The following ULK2 variants were observed in gnomAD, a reference collection of about 807,000 sequenced individuals.
The protein encoded by ULK2 is serine/threonine-protein kinase ULK2.
ULK2 carries 76 observed loss-of-function variants against 127.5 expected under a neutral mutation model. That is an observed-to-expected ratio of 0.60 (90% CI 0.50 to 0.72). The LOEUF (loss-of-function observed/expected upper bound fraction) is 0.72. ULK2 is among the 30% of genes least tolerant of loss of function. The pLI is 0.00. For synonymous variants in ULK2, 452 were observed against 461.9 expected, an observed-to-expected ratio of 0.98 and a Z score of 0.28; for missense variants, 1,144 against 1,295.9, an observed-to-expected ratio of 0.88 and a Z score of 1.80.
chr17:19,776,140 G>A lies in ULK2; in HGVS notation c.*209C>T, dbSNP rs1380698047. On this transcript the variant is annotated 3_prime_UTR_variant, in exon 27 of 27. Coordinates refer to ENST00000395544, the MANE Select transcript of ULK2 (RefSeq NM_014683.4). The stretch of plus-strand genomic sequence containing the variant: ...TTGCTCCTGCTTCTACAAAGAAAAA[G>A]GGAAAGGGTGATTTTCTCCAATAAG... 1 of 505,684 alleles carries A rather than the reference G, an allele frequency of 2.0e-6. No homozygotes were observed. The highest frequency in any genetic ancestry group is 3.5e-6 in the Non-Finnish European group (1 of 283,920). The allele number at this position is 505,684 out of a possible 1,614,324, so 31.3% of individuals were successfully genotyped here.
intron 13 of ULK2, among the ~76,000 whole-genome samples, chr17:19,812,591 C>G (rs2087667382): frequency 6.6e-6 from 1 of 152,334 alleles, no homozygotes; most frequent in East Asian, 1.9e-4. Flanking sequence ...CTCTGGTGAT[C>G]GCAGGCTGAC....
Position 19,774,495 on chromosome 17 carries a change from C to T in ULK2, c.*1854G>A, listed in dbSNP as rs1302788987. The T allele has an allele frequency of 1.3e-5, 2 of 152,140 alleles. No individual in the cohort carries two copies. The highest frequency in any genetic ancestry group is 6.5e-5 in the Admixed American group (1 of 15,272). The allele number at this position is 152,140 out of a possible 1,614,324, so 9.4% of individuals were successfully genotyped here. A position where few individuals can be genotyped will look rare whatever the true frequency, so the allele number is the denominator to read the frequency against. On this transcript the variant is annotated 3_prime_UTR_variant, in exon 27 of 27. Coordinates refer to ENST00000395544, the MANE Select transcript of ULK2 (RefSeq NM_014683.4). ...TAGAATAAACCTACAACTGAGATAA[C>T]ACAGGTGATAACTGAAAGAACATGA...
chr17:19,777,824 G>A, intron 25 of ULK2, 108 bp from the exon 26 acceptor site: 3 of 1,355,084 alleles, frequency 2.2e-6, no homozygotes, highest in Non-Finnish European at 3.0e-6. Context: ...AACACATTTT[G>A]GTAAAGTGAT....
chr17:19,799,810 A>T (rs891931763), intron 16 of ULK2, among the ~76,000 whole-genome samples: 1 of 152,232 alleles, frequency 6.6e-6, no homozygotes, highest in African/African-American at 2.4e-5. Flanking sequence ...TTAGGGGAAG[A>T]AAAACCACAT....
rs148080703 is a variant in ULK2, at chr17:19,863,894, A to G, written c.225+909T>C. Among the ~76,000 whole-genome samples, 968 of 152,318 alleles carry G rather than the reference A, an allele frequency of 6.4e-3. 11 individuals carry two copies. Among genetic ancestry groups the G allele is most frequent in the African/African-American group, 0.022 (916 of 41,570 alleles). On this transcript the variant is annotated intron_variant, in intron 3 of 26. Coordinates refer to ENST00000395544, the MANE Select transcript of ULK2 (RefSeq NM_014683.4). ...CTACTGCATGCCATAGCATACACAA[A>G]TATATCTATAACCTATAATCATAGA...
At chr17:19,814,710 C>T (rs2040943510) in intron 13 of ULK2, among the ~76,000 whole-genome samples, 1 of 151,942 alleles carries the variant, frequency 6.6e-6, no homozygotes, top group African/African-American at 2.4e-5. Context: ...CCACGTCTGG[C>T]TAACCTTTTA....
chr17:19,864,472 C>CAAA (rs201190960), intron 3 of ULK2, among the ~76,000 whole-genome samples: 1 of 136,304 alleles, frequency 7.3e-6, no homozygotes. Context: ...GAGACTCCAT[C>CAAA]AAAAAAAAAA....
At chr17:19,800,233 CAGA>C (rs1199393975) in intron 16 of ULK2, among the ~76,000 whole-genome samples, 1 of 152,200 alleles carries the variant, frequency 6.6e-6, no homozygotes, top group Non-Finnish European at 1.5e-5. Context: ...TCATTCTTCA[CAGA>C]AGTTTCCCCA....
rs530962533 is a variant in ULK2, at chr17:19,772,025, G to A, written c.*4324C>T. 2.6e-5 allele frequency: 4 copies of A among 152,514 alleles called. No individual in the cohort carries two copies. The South Asian group carries it at 8.3e-4, about 32-fold the overall frequency. 9.4% of individuals were successfully genotyped at this position (152,514 alleles called of 1,614,324 possible). A position where few individuals can be genotyped will look rare whatever the true frequency, so the allele number is the denominator to read the frequency against. ...CCTACAGATTGATCCCACCTGTTCAGAGCAACAGGCACGGCTTCACTCGGG... is the reference window on the plus strand; with the variant it reads ...CCTACAGATTGATCCCACCTGTTCAAAGCAACAGGCACGGCTTCACTCGGG... On this transcript the variant is annotated 3_prime_UTR_variant, in exon 27 of 27. Transcript: ENST00000395544.
intron 14 of ULK2, among the ~76,000 whole-genome samples, chr17:19,805,543 C>T (rs2087496896): frequency 6.6e-6 from 1 of 152,158 alleles, no homozygotes. Context: ...TAGCTGCTTT[C>T]CCAATATCCA....
chr17:19,854,625 T>C (rs973325662), intron 3 of ULK2, among the ~76,000 whole-genome samples: 1 of 152,124 alleles, frequency 6.6e-6, no homozygotes, highest in Non-Finnish European at 1.5e-5. Flanking sequence ...ATTATCCCTT[T>C]GTACATAACT....
At chr17:19,859,099 G>A (rs1197430151) in intron 3 of ULK2, among the ~76,000 whole-genome samples, 7 of 152,206 alleles carry the variant, frequency 4.6e-5, no homozygotes, top group Non-Finnish European at 1.0e-4. Context: ...AGACCAGCCT[G>A]GGCAACATAG....
intron 12 of ULK2, among the ~76,000 whole-genome samples, chr17:19,819,743 G>A (rs1238450044): frequency 1.3e-5 from 2 of 152,202 alleles, no homozygotes; most frequent in East Asian, 3.9e-4. Context: ...TCTTCCTCAG[G>A]TTCCAAGTTC....
intron 20 of ULK2, among the ~76,000 whole-genome samples, chr17:19,787,231 C>T (rs182227575): frequency 1.3e-5 from 2 of 152,300 alleles, no homozygotes; most frequent in East Asian, 3.9e-4. Context: ...TTGTGATCCG[C>T]CCGCCTTGGC....
At position 19,785,531 on chromosome 17, in the gene ULK2, T is replaced by TA. The variant is rs1045374639; in HGVS notation, c.2251+405dup. Among the ~76,000 whole-genome samples, 450 of 142,638 alleles carry TA rather than the reference T, an allele frequency of 3.2e-3. 14 individuals carry two copies. In the East Asian group the frequency reaches 0.044, roughly 14 times the overall value. The allele number at this position is 142,638 out of a possible 152,430, so 93.6% of individuals were successfully genotyped here. On this transcript the variant is annotated intron_variant, in intron 21 of 26. Coordinates refer to ENST00000395544, the MANE Select transcript of ULK2 (RefSeq NM_014683.4). Reference sequence around the variant, plus strand: ...CTCACCTAGCCAAAACAAGTTTCTTTAAAAAAAAAAACCAAAAAAAAACCA... The same window carrying TA: ...CTCACCTAGCCAAAACAAGTTTCTTTAAAAAAAAAAAACCAAAAAAAAACCA...
At chr17:19,819,701 C>T (rs1597760850) in intron 12 of ULK2, among the ~76,000 whole-genome samples, 2 of 152,136 alleles carry the variant, frequency 1.3e-5, no homozygotes, top group South Asian at 4.1e-4. Context: ...AGTGACCTTG[C>T]CAGCCGGCCA....
intron 1 of ULK2, among the ~76,000 whole-genome samples, chr17:19,867,124 G>C (rs536335311): frequency 5.3e-5 from 8 of 152,270 alleles, no homozygotes; most frequent in Non-Finnish European, 1.2e-4. Flanking sequence ...GCAGCCGGTC[G>C]GTAGGCGGAG....
At chr17:19,832,951 T>A (rs2041496860) in intron 10 of ULK2, among the ~76,000 whole-genome samples, 1 of 151,556 alleles carries the variant, frequency 6.6e-6, no homozygotes, top group South Asian at 2.1e-4. Context: ...GGTGAAACCC[T>A]GTCTCTACTA....
At chr17:19,777,810 A>G in intron 25 of ULK2, 94 bp from the exon 26 acceptor site, 1 of 1,437,144 alleles carries the variant, frequency 7.0e-7, no homozygotes, top group Non-Finnish European at 9.3e-7. Flanking sequence ...ATCCACCTAA[A>G]ATTAACACAT....
Sources: allele counts gnomAD v4.1 joint callset (sites outside exome capture counted in the v4.1 genomes callset), GRCh38; gene constraint gnomAD v4.1.1; transcripts MANE v1.5; gene names NCBI Gene and HGNC (gene_info 2026-07-23, HGNC 2026-07-21).